The following KCNIP4 variants were observed in gnomAD, a reference collection of about 807,000 sequenced individuals.
KCNIP4 encodes potassium voltage-gated channel interacting protein 4, also known as Kv channel-interacting protein 4.
A neutral mutation model predicts 34.0 loss-of-function variants in KCNIP4; 12 were observed. The observed-to-expected ratio is 0.35, with a 90% CI of 0.23 to 0.57. The LOEUF (loss-of-function observed/expected upper bound fraction) is 0.57, where lower values mean the gene tolerates loss of function less well. Ranked by LOEUF, KCNIP4 falls within the 20% of genes least tolerant of loss-of-function variation. The probability of loss-of-function intolerance (pLI) is 0.83; values close to 1 mark genes in which losing one functional copy is unlikely to be tolerated. For synonymous variants in KCNIP4, 124 were observed against 102.2 expected, an observed-to-expected ratio of 1.21 and a Z score of -1.29; for missense variants, 238 against 311.7, an observed-to-expected ratio of 0.76 and a Z score of 1.78.
intron 1 of KCNIP4, among the ~76,000 whole-genome samples, chr4:21,867,939 G>C (rs1189768109): frequency 6.6e-6 from 1 of 152,018 alleles, no homozygotes; most frequent in Admixed American, 6.6e-5. Flanking sequence ...GGTCATTCTA[G>C]TGCACCCTAT....
chr4:20,837,686 A>ATTTT (rs1318687393), intron 3 of KCNIP4, among the ~76,000 whole-genome samples: 3,913 of 117,228 alleles, frequency 0.033, 74 homozygotes, highest in South Asian at 0.056. Context: ...ATATATATAT[A>ATTTT]TTTTTTTTTC....
At chr4:20,810,827 T>A (rs1181735193) in intron 3 of KCNIP4, among the ~76,000 whole-genome samples, 1 of 152,218 alleles carries the variant, frequency 6.6e-6, no homozygotes, top group African/African-American at 2.4e-5. Flanking sequence ...CACAAAACTT[T>A]TAAATCAAAT....
chr4:21,579,200 A>G (rs2109067919), intron 1 of KCNIP4, among the ~76,000 whole-genome samples: 1 of 152,284 alleles, frequency 6.6e-6, no homozygotes, highest in Non-Finnish European at 1.5e-5. Flanking sequence ...TCACATCAGC[A>G]CTAAGCCAGA....
chr4:21,614,332 A>G (rs554346673), intron 1 of KCNIP4, among the ~76,000 whole-genome samples: 1 of 152,074 alleles, frequency 6.6e-6, no homozygotes, highest in Admixed American at 6.5e-5. Flanking sequence ...ACCAGGCCAG[A>G]AAGAATTTTC....
intron 3 of KCNIP4, among the ~76,000 whole-genome samples, chr4:20,841,885 G>A (rs1296555333): frequency 6.6e-6 from 1 of 152,026 alleles, no homozygotes; most frequent in Admixed American, 6.6e-5. Context: ...ATTTTGGGTT[G>A]TTCTTTATGC....
intron 1 of KCNIP4, among the ~76,000 whole-genome samples, chr4:21,614,930 A>C (rs1288784437): frequency 6.6e-6 from 1 of 152,150 alleles, no homozygotes; most frequent in African/African-American, 2.4e-5. Context: ...TCACCGTCTG[A>C]AGCCATCCTG....
At chr4:21,127,148 A>T (rs925050695) in intron 1 of KCNIP4, among the ~76,000 whole-genome samples, 1 of 152,152 alleles carries the variant, frequency 6.6e-6, no homozygotes, top group Admixed American at 6.6e-5. Flanking sequence ...ACTCAAGAAG[A>T]TCCCCTCTAA....
At chr4:21,829,774 T>C (rs531467098) in intron 1 of KCNIP4, among the ~76,000 whole-genome samples, 1 of 152,164 alleles carries the variant, frequency 6.6e-6, no homozygotes, top group Admixed American at 6.6e-5. Flanking sequence ...ACAAAAGTTC[T>C]ATAAAACAAC....
At chr4:20,932,973 C>T (rs1319476990) in intron 1 of KCNIP4, among the ~76,000 whole-genome samples, 1 of 152,064 alleles carries the variant, frequency 6.6e-6, no homozygotes, top group East Asian at 1.9e-4. Context: ...AGACCAGGCA[C>T]AGTGGCTCAC....
chr4:21,503,611 G>A (rs1733543834), intron 1 of KCNIP4, among the ~76,000 whole-genome samples: 1 of 152,030 alleles, frequency 6.6e-6, no homozygotes, highest in East Asian at 1.9e-4. Context: ...TTTCACCAAA[G>A]GTAGTCAGTG....
intron 1 of KCNIP4, among the ~76,000 whole-genome samples, chr4:21,267,443 G>T (rs1761882426): frequency 6.6e-6 from 1 of 151,850 alleles, no homozygotes; most frequent in African/African-American, 2.4e-5. Context: ...CAAAGGGAAT[G>T]CTTCCAGTTT....
intron 1 of KCNIP4, among the ~76,000 whole-genome samples, chr4:21,692,827 A>AT (rs35231092): frequency 0.094 from 8,184 of 87,248 alleles, 900 homozygotes; most frequent in African/African-American, 0.24. Flanking sequence ...AAATCCTGTC[A>AT]TTTTTTTTTT....
chr4:20,908,419 T>C (rs540196520), intron 1 of KCNIP4, among the ~76,000 whole-genome samples: 7 of 152,308 alleles, frequency 4.6e-5, no homozygotes, highest in Admixed American at 3.9e-4. Flanking sequence ...GAAAGTCTAA[T>C]AGCTTAAATA....
chr4:21,048,812 T>C (rs1369827061), intron 1 of KCNIP4, among the ~76,000 whole-genome samples: 3 of 152,090 alleles, frequency 2.0e-5, no homozygotes, highest in African/African-American at 7.2e-5. Context: ...GAGTAGACAG[T>C]TTCCACTTTC....
At position 21,948,741 on chromosome 4, in the gene KCNIP4, G is replaced by A; in HGVS notation, c.-110C>T. On this transcript the variant is annotated 5_prime_UTR_variant, in exon 1 of 9. Transcript: ENST00000382152. ...GCCGCTCGGCCCGGGGGCGTCCGTG[G>A]CGCTGGGAGCGAGAGCTTCGGCGGC... 8.1e-7 allele frequency: 1 copy of A among 1,240,270 alleles called. No homozygotes were observed. Among genetic ancestry groups the A allele is most frequent in the Non-Finnish European group, 1.0e-6 (1 of 977,866 alleles). The allele number at this position is 1,240,270 out of a possible 1,614,324, so 76.8% of individuals were successfully genotyped here. A position where few individuals can be genotyped will look rare whatever the true frequency, so the allele number is the denominator to read the frequency against.
intron 1 of KCNIP4, among the ~76,000 whole-genome samples, chr4:21,153,448 C>CCTCTCT (rs965244473): frequency 2.3e-5 from 3 of 132,850 alleles, no homozygotes; most frequent in African/African-American, 8.2e-5. Context: ...TCTCTCTGTC[C>CCTCTCT]CTCTCTCTCT....
At chr4:21,407,504 T>G (rs1394576834) in intron 1 of KCNIP4, among the ~76,000 whole-genome samples, 1 of 152,156 alleles carries the variant, frequency 6.6e-6, no homozygotes, top group African/African-American at 2.4e-5. Context: ...CTGGAGTAAA[T>G]TATGTACTCA....
At chr4:20,960,583 A>G (rs141821729) in intron 1 of KCNIP4, among the ~76,000 whole-genome samples, 1 of 152,342 alleles carries the variant, frequency 6.6e-6, no homozygotes, top group African/African-American at 2.4e-5. Flanking sequence ...GAAGTTTGCA[A>G]GGAATGGAAA....
chr4:21,932,435 T>C (rs1245730760), intron 1 of KCNIP4, among the ~76,000 whole-genome samples: 1 of 152,150 alleles, frequency 6.6e-6, no homozygotes, highest in Non-Finnish European at 1.5e-5. Context: ...TGATACTTGC[T>C]ATTTGTGTTA....
Sources: allele counts gnomAD v4.1 joint callset (sites outside exome capture counted in the v4.1 genomes callset), GRCh38; gene constraint gnomAD v4.1.1; transcripts MANE v1.5; gene names NCBI Gene and HGNC (gene_info 2026-07-23, HGNC 2026-07-21).